MAPT: variants seen among roughly 807,000 people sequenced by gnomAD.
The protein encoded by MAPT is microtubule associated protein tau, also known as microtubule-associated protein tau.
MAPT carries 34 observed loss-of-function variants against 67.9 expected under a neutral mutation model. The observed-to-expected ratio is 0.50, with a 90% confidence interval of 0.38 to 0.67. The LOEUF is 0.67. MAPT is among the 30% of genes least tolerant of loss of function. The pLI, the probability that MAPT is intolerant of heterozygous loss-of-function variation, is 0.00. For missense variants in MAPT, 881 were observed against 1,115.2 expected (o/e 0.79, Z 2.99); for synonymous variants, 456 against 464.5 (o/e 0.98, Z 0.23).
chr17:45,957,864 A>G (rs1234227612), intron 1 of MAPT, among the ~76,000 whole-genome samples: 1 of 152,238 alleles, frequency 6.6e-6, no homozygotes, highest in Non-Finnish European at 1.5e-5. Context: ...AGGAAAAAAA[A>G]AAATGTCTAA....
At chr17:45,965,983 T>C (rs952994048) in intron 2 of MAPT, among the ~76,000 whole-genome samples, 1 of 152,146 alleles carries the variant, frequency 6.6e-6, no homozygotes, top group African/African-American at 2.4e-5. Flanking sequence ...ATGGACCATA[T>C]TTCCCCCTTG....
intron 10 of MAPT, among the ~76,000 whole-genome samples, chr17:46,013,040 A>G (rs1280179464): frequency 2.0e-5 from 3 of 152,136 alleles, no homozygotes; most frequent in Non-Finnish European, 4.4e-5. Flanking sequence ...CACCAAAATA[A>G]TTCGGGATGG....
chr17:46,027,483 TTTAAATTGAC>T lies in MAPT; in HGVS notation c.*3315_*3324del, dbSNP rs1444406080. On this transcript the variant is annotated 3_prime_UTR_variant, in exon 13 of 13. Transcript: ENST00000262410. ...CTGACTCACTTTATCAATAGTTCCA[TTTAAATTGAC>T]TTCAGTGGTGAGACTGTATCCTGTT... 6.6e-6 allele frequency: 1 copy of T among 152,428 alleles called. No homozygotes were observed. The highest frequency in any genetic ancestry group is 2.4e-5 in the African/African-American group (1 of 41,434). The allele number at this position is 152,428 out of a possible 1,614,324, so 9.4% of individuals were successfully genotyped here. A position where few individuals can be genotyped will look rare whatever the true frequency, so the allele number is the denominator to read the frequency against.
chr17:45,930,279 C>G (rs564095095), intron 1 of MAPT, among the ~76,000 whole-genome samples: 1 of 152,060 alleles, frequency 6.6e-6, no homozygotes, highest in East Asian at 1.9e-4. Flanking sequence ...TGGTGGCATG[C>G]ACCTGTGGTA....
intron 2 of MAPT, among the ~76,000 whole-genome samples, chr17:45,970,374 C>G (rs1283042667): frequency 1.3e-5 from 2 of 151,910 alleles, no homozygotes; most frequent in East Asian, 1.9e-4. Flanking sequence ...ATACATTCAT[C>G]CAATCATCCA....
chr17:46,005,998 G>A (rs116799064), intron 9 of MAPT, among the ~76,000 whole-genome samples: 2,075 of 152,264 alleles, frequency 0.014, 54 homozygotes, highest in African/African-American at 0.048. Flanking sequence ...TGTCCTTAAC[G>A]TGGGGACGGT....
At chr17:45,904,045 A>ATATATTATATATT (rs2063961464) in intron 1 of MAPT, among the ~76,000 whole-genome samples, 2 of 15,092 alleles carry the variant, frequency 1.3e-4, no homozygotes, top group African/African-American at 5.5e-4. Flanking sequence ...TTATATATTT[A>ATATATTATATATT]TATATATTAT....
At chr17:45,921,162 C>T (rs577088824) in intron 1 of MAPT, among the ~76,000 whole-genome samples, 1 of 152,328 alleles carries the variant, frequency 6.6e-6, no homozygotes, top group South Asian at 2.1e-4. Context: ...GGGCCAAGAA[C>T]ACTTCTACGC....
At chr17:46,003,219 T>G (rs946179178) in intron 9 of MAPT, among the ~76,000 whole-genome samples, 1 of 152,046 alleles carries the variant, frequency 6.6e-6, no homozygotes, top group Non-Finnish European at 1.5e-5. Context: ...CTTTTACCCC[T>G]CTTTCCTCCC....
intron 1 of MAPT, among the ~76,000 whole-genome samples, chr17:45,956,174 G>A (rs1350357028): frequency 6.6e-6 from 1 of 152,226 alleles, no homozygotes; most frequent in Non-Finnish European, 1.5e-5. Context: ...CCTTTGACCT[G>A]CTCTGTCTCT....
At chr17:45,910,137 AACAC>A in intron 1 of MAPT, among the ~76,000 whole-genome samples, 1 of 152,284 alleles carries the variant, frequency 6.6e-6, no homozygotes, top group East Asian at 1.9e-4. Flanking sequence ...GGGCACTGGA[AACAC>A]ACAGGCACGG....
chr17:45,959,712 C>T (rs1487944916), intron 1 of MAPT, among the ~76,000 whole-genome samples: 2 of 150,766 alleles, frequency 1.3e-5, no homozygotes, highest in Non-Finnish European at 3.0e-5. Context: ...AGCAAGGAGG[C>T]GGAGGTTTCA....
At chr17:45,945,935 G>A (rs1230222020) in intron 1 of MAPT, among the ~76,000 whole-genome samples, 2 of 152,212 alleles carry the variant, frequency 1.3e-5, no homozygotes, top group East Asian at 1.9e-4. Flanking sequence ...GTGCATAGGA[G>A]AGGGGTCTGC....
chr17:45,922,011 T>G (rs1597945080), intron 1 of MAPT, among the ~76,000 whole-genome samples: 1 of 151,398 alleles, frequency 6.6e-6, no homozygotes, highest in East Asian at 1.9e-4. Flanking sequence ...ATTCTGTAAC[T>G]CGGTGAGTTT....
At chr17:45,946,615 A>T (rs868751277) in intron 1 of MAPT, among the ~76,000 whole-genome samples, 34 of 100,404 alleles carry the variant, frequency 3.4e-4, no homozygotes, top group African/African-American at 1.0e-3. Flanking sequence ...AAAAAAAAAA[A>T]ATATATATAT....
intron 6 of MAPT, 73 bp downstream of exon 6, chr17:45,987,168 T>A (rs1480489513): frequency 7.3e-7 from 1 of 1,366,114 alleles, no homozygotes; most frequent in African/African-American, 1.4e-5. Flanking sequence ...GTCTGATTCA[T>A]TCTCATATAT....
chr17:45,991,683 C>T, intron 8 of MAPT, 97 bp downstream of exon 8: 3 of 1,554,816 alleles, frequency 1.9e-6, no homozygotes, highest in Non-Finnish European at 2.7e-6. Context: ...AATGAATAAC[C>T]CCTGGCAGCT....
intron 1 of MAPT, among the ~76,000 whole-genome samples, chr17:45,933,017 G>T (rs1054237305): frequency 2.6e-5 from 4 of 152,076 alleles, no homozygotes; most frequent in African/African-American, 7.2e-5. Flanking sequence ...AGGAGGCGGA[G>T]ATTGCAGTGG....
intron 1 of MAPT, among the ~76,000 whole-genome samples, chr17:45,956,573 TATATATATATATATATATATATATATA>T (rs1286137020): frequency 0.23 from 5,611 of 24,534 alleles, 229 homozygotes; most frequent in Middle Eastern, 0.5. Context: ...TATATATATA[TATATATATATATATATATATATATATA>T]TTTTTTATTA....
Sources: gnomAD v4.1 joint callset for allele counts (sites outside exome capture counted in the v4.1 genomes callset) on GRCh38, gnomAD v4.1.1 for gene constraint, MANE v1.5 for transcripts, NCBI Gene and HGNC (gene_info 2026-07-23, HGNC 2026-07-21) for gene names.